Variants in CSMD1 observed in about 807,000 individuals in gnomAD.
The protein encoded by CSMD1 is CUB and sushi domain-containing protein 1.
CSMD1 carries 213 observed loss-of-function variants against 417.5 expected under a neutral mutation model. The observed-to-expected ratio is 0.51, with a 90% CI of 0.46 to 0.57. The LOEUF is 0.57. Among genes scored for constraint, CSMD1 ranks in the 20% least tolerant of loss-of-function variants. The pLI is 0.00. For missense variants in CSMD1, 6,923 were observed against 4,529.7 expected (o/e 1.53, Z -15.17); for synonymous variants, 2,862 against 1,736.8 (o/e 1.65, Z -16.11).
intron 5 of CSMD1, among the ~76,000 whole-genome samples, chr8:3,881,906 G>A (rs904212552): frequency 6.6e-6 from 1 of 152,132 alleles, no homozygotes. Context: ...TGTTCATACA[G>A]AAAAAGTTAC....
At chr8:3,985,550 T>C (rs959579652) in intron 5 of CSMD1, among the ~76,000 whole-genome samples, 2 of 152,028 alleles carry the variant, frequency 1.3e-5, no homozygotes, top group Non-Finnish European at 2.9e-5. Context: ...ACTCCATGGA[T>C]TGCTCTACTA....
At position 3,771,940 on chromosome 8, in the gene CSMD1, C is replaced by T. The variant is rs1798595308; in HGVS notation, c.819-17898G>A. 2.6e-5 allele frequency among the ~76,000 whole-genome samples: 4 copies of T among 151,942 alleles called. No individual in the cohort carries two copies. The South Asian group carries it at 8.3e-4, about 31-fold the overall frequency. ...ATAGCCCACAGGCAACTCAACAAGCCGTGTAATGTCTACTGGCATTCAGCA... is the reference window on the plus strand; with the variant it reads ...ATAGCCCACAGGCAACTCAACAAGCTGTGTAATGTCTACTGGCATTCAGCA... On this transcript the variant is annotated intron_variant, in intron 5 of 69. Transcript: ENST00000635120.
At chr8:3,055,276 G>A (rs1490427348) in intron 49 of CSMD1, among the ~76,000 whole-genome samples, 1 of 152,120 alleles carries the variant, frequency 6.6e-6, no homozygotes, top group African/African-American at 2.4e-5. Flanking sequence ...ACCCCTGCTT[G>A]CCCAGGTCTT....
intron 2 of CSMD1, among the ~76,000 whole-genome samples, chr8:4,584,588 G>T (rs1021046766): frequency 1.3e-5 from 2 of 152,112 alleles, no homozygotes; most frequent in African/African-American, 4.8e-5. Flanking sequence ...TCTGGGCTGA[G>T]CCGAGGGTCT....
intron 3 of CSMD1, among the ~76,000 whole-genome samples, chr8:4,309,427 C>A (rs925556454): frequency 6.6e-6 from 1 of 151,556 alleles, no homozygotes; most frequent in Non-Finnish European, 1.5e-5. Flanking sequence ...AAATTAAATT[C>A]AAAATTTTTA....
intron 3 of CSMD1, among the ~76,000 whole-genome samples, chr8:4,394,389 TG>T (rs1317163395): frequency 6.6e-6 from 1 of 152,212 alleles, no homozygotes; most frequent in Non-Finnish European, 1.5e-5. Context: ...CCACTAGAAA[TG>T]GTTTTCTTAG....
chr8:4,787,930 A>T, intron 1 of CSMD1: 2 of 1,593,134 alleles, frequency 1.3e-6, no homozygotes, highest in East Asian at 4.5e-5. Context: ...GTTCTTGCTG[A>T]TGTAATTGAC....
intron 10 of CSMD1, among the ~76,000 whole-genome samples, chr8:3,523,667 A>C (rs1797611028): frequency 7.1e-6 from 1 of 141,688 alleles, no homozygotes; most frequent in Non-Finnish European, 1.5e-5. Flanking sequence ...TTACACATGC[A>C]CACACACGTA....
At chr8:3,652,980 A>G (rs896131842) in intron 7 of CSMD1, among the ~76,000 whole-genome samples, 2 of 152,184 alleles carry the variant, frequency 1.3e-5, no homozygotes, top group Non-Finnish European at 2.9e-5. Context: ...AAGTATAATT[A>G]GCATTGTCTG....
intron 3 of CSMD1, among the ~76,000 whole-genome samples, chr8:4,318,165 T>C (rs1376212512): frequency 6.6e-6 from 1 of 152,144 alleles, no homozygotes; most frequent in African/African-American, 2.4e-5. Context: ...AACATTCTAA[T>C]ATTGTTACTA....
intron 5 of CSMD1, among the ~76,000 whole-genome samples, chr8:3,898,503 G>A (rs139648542): frequency 6.6e-6 from 1 of 152,196 alleles, no homozygotes; most frequent in African/African-American, 2.4e-5. Flanking sequence ...TACTGTTCCA[G>A]AGAATACCTG....
intron 2 of CSMD1, among the ~76,000 whole-genome samples, chr8:4,543,866 C>A (rs1797518494): frequency 6.6e-6 from 1 of 152,000 alleles, no homozygotes; most frequent in African/African-American, 2.4e-5. Context: ...TTTCAATTTG[C>A]AATTCCTTAG....
At chr8:4,037,421 G>A (rs3860857) in intron 3 of CSMD1, among the ~76,000 whole-genome samples, 22,736 of 152,110 alleles carry the variant, frequency 0.15, 2,423 homozygotes, top group East Asian at 0.39. Flanking sequence ...GAATAAAGAG[G>A]ATGTCTATTT....
At chr8:4,224,408 A>C (rs1801223167) in intron 3 of CSMD1, among the ~76,000 whole-genome samples, 1 of 152,188 alleles carries the variant, frequency 6.6e-6, no homozygotes. Context: ...AGAAAGTCAT[A>C]TTTAAATACA....
chr8:3,419,984 C>T (rs1487672485), intron 12 of CSMD1, among the ~76,000 whole-genome samples: 3 of 152,092 alleles, frequency 2.0e-5, no homozygotes, highest in Non-Finnish European at 4.4e-5. Flanking sequence ...GGATAATAAT[C>T]GTTCGCATCT....
chr8:4,264,141 C>T lies in CSMD1; in HGVS notation c.415+155812G>A, dbSNP rs143652925. The stretch of plus-strand genomic sequence containing the variant: ...ACATTTGTAGGTAAAGAATACAACA[C>T]CTACTACTCAGCTCTTGGGCACTAT... On this transcript the variant is annotated intron_variant, in intron 3 of 69. Transcript: ENST00000635120. Among the ~76,000 whole-genome samples, 881 of 152,246 alleles carry T rather than the reference C, an allele frequency of 5.8e-3. 3 individuals are homozygous for T. The highest frequency in any genetic ancestry group is 9.5e-3 in the Non-Finnish European group (649 of 68,004).
chr8:3,918,129 A>T (rs1197966406), intron 5 of CSMD1, among the ~76,000 whole-genome samples: 3 of 152,054 alleles, frequency 2.0e-5, no homozygotes, highest in Non-Finnish European at 4.4e-5. Context: ...TAATCCTGGC[A>T]ATTGCTAATA....
At chr8:4,192,968 A>C (rs979715290) in intron 3 of CSMD1, among the ~76,000 whole-genome samples, 1 of 152,234 alleles carries the variant, frequency 6.6e-6, no homozygotes, top group East Asian at 1.9e-4. Flanking sequence ...TTTTCATAAT[A>C]TTTGAGTGTT....
chr8:3,407,430 TAGATGGAAGGATGGATGGAA>T (rs962537851), intron 14 of CSMD1, among the ~76,000 whole-genome samples: 16 of 149,854 alleles, frequency 1.1e-4, no homozygotes, highest in African/African-American at 3.7e-4. Flanking sequence ...GATGGATGGA[TAGATGGAAGGATGGATGGAA>T]AGATGGATGG....
Sources: gnomAD v4.1 joint callset for allele counts (sites outside exome capture counted in the v4.1 genomes callset) on GRCh38, gnomAD v4.1.1 for gene constraint, MANE v1.5 for transcripts, NCBI Gene and HGNC (gene_info 2026-07-23, HGNC 2026-07-21) for gene names.